Variants in TNNT1 observed in about 807,000 individuals in gnomAD.
TNNT1 encodes the protein troponin T1, slow skeletal type, also known as troponin T, slow skeletal muscle.
TNNT1 carries 53 observed loss-of-function variants against 50.6 expected under a neutral mutation model. That is an observed-to-expected ratio of 1.05 (90% CI 0.84 to 1.32). The LOEUF (loss-of-function observed/expected upper bound fraction) is 1.32. Among genes scored for constraint, TNNT1 ranks in the 40% most tolerant of loss-of-function variants. TNNT1 has a pLI of 0.00. For missense variants in TNNT1, 348 were observed against 381.7 expected (o/e 0.91, Z 0.74); for synonymous variants, 142 against 138.0 (o/e 1.03, Z -0.20).
At chr19:55,139,100 A>C (rs111323155) in intron 9 of TNNT1, among the ~76,000 whole-genome samples, 7 of 152,092 alleles carry the variant, frequency 4.6e-5, no homozygotes, top group African/African-American at 1.2e-4. Flanking sequence ...CCTGGGTTCA[A>C]GTGATTCTCC....
At chr19:55,146,278 G>A (rs886467170) in intron 5 of TNNT1, among the ~76,000 whole-genome samples, 156 bp downstream of exon 5, 1 of 151,798 alleles carries the variant, frequency 6.6e-6, no homozygotes, top group Non-Finnish European at 1.5e-5. Context: ...CCCCGAGAGG[G>A]CGCAGGAGCT....
rs775029804 is a variant in TNNT1 at position 55,149,173 on chromosome 19, T to C, written c.-24A>G. Reference sequence around the variant, plus strand: ...CAGAGCCCCTTACCTAGGCTGTGTCTGAGATGCTGTGAATCTTGAGGCTGA... The same window carrying C: ...CAGAGCCCCTTACCTAGGCTGTGTCCGAGATGCTGTGAATCTTGAGGCTGA... On this transcript the variant is annotated 5_prime_UTR_variant, in exon 1 of 14. Transcript: ENST00000588981. 1 of 456,190 alleles carries C rather than the reference T, an allele frequency of 2.2e-6. No individual in the cohort carries two copies. Among genetic ancestry groups the C allele is most frequent in the South Asian group, 1.5e-5 (1 of 64,566 alleles). 28.3% of individuals were successfully genotyped at this position (456,190 alleles called of 1,614,324 possible).
At chr19:55,135,333 T>C (rs1359413864) in intron 11 of TNNT1, among the ~76,000 whole-genome samples, 2 of 152,160 alleles carry the variant, frequency 1.3e-5, no homozygotes, top group African/African-American at 2.4e-5. Context: ...GTCTGGTCTC[T>C]GATTTTGTAG....
At position 55,141,906 on chromosome 19, in the gene TNNT1, G is replaced by A; in HGVS notation, c.143C>T (p.Pro48Leu). The A allele has an allele frequency of 1.2e-6, 2 of 1,614,074 alleles. No homozygotes were observed. The highest frequency in any genetic ancestry group is 1.7e-6 in the Non-Finnish European group (2 of 1,179,984). ...TGGGATCTTTGGCGGGATCAAAGGAGGCACCACGGGGCGGCTGAGTGGACA... is the reference window on the plus strand; with the variant it reads ...TGGGATCTTTGGCGGGATCAAAGGAAGCACCACGGGGCGGCTGAGTGGACA... ...ERPKPSRPVV[P>L]PLIPPKIPEG... The change falls in exon 7 of 14, where the codon CCT becomes CTT. Residue 48 changes from proline (P) to leucine (L), a missense_variant. Physicochemically the swap from Pro to Leu is moderately conservative, Grantham distance 98 (BLOSUM62 -3). This residue lies in a region of TNNT1 where 90 missense variants were observed against 70.8 expected (regional missense o/e 1.27). Coordinates refer to ENST00000588981, the MANE Select transcript of TNNT1 (RefSeq NM_003283.6).
chr19:55,140,819 T>A, intron 9 of TNNT1, 64 bp downstream of exon 9: 2 of 1,196,126 alleles, frequency 1.7e-6, no homozygotes, highest in Non-Finnish European at 2.4e-6. Flanking sequence ...ATAATAATAA[T>A]AACAAAATGG....
intron 11 of TNNT1, among the ~76,000 whole-genome samples, chr19:55,136,680 C>T (rs941921045): frequency 2.6e-5 from 4 of 152,172 alleles, no homozygotes; most frequent in African/African-American, 9.7e-5. Context: ...ACCAGCCTGC[C>T]GTCCTGTAGC....
chr19:55,132,959 G>C lies in TNNT1; in HGVS notation c.793C>G (p.Arg265Gly). The change falls in exon 14 of 14, where the codon CGG becomes GGG. Residue 265 changes from arginine (R) to glycine (G), a missense_variant and splice_region_variant. Physicochemically the swap from Arg to Gly is moderately radical, Grantham distance 125. Coordinates refer to ENST00000588981, the MANE Select transcript of TNNT1 (RefSeq NM_003283.6). ...ACGCGGCCCTTCCCTGCCCCCTTCCGGCTGTAGAAGAATGAGGTGGTATCA... is the reference window on the plus strand; with the variant it reads ...ACGCGGCCCTTCCCTGCCCCCTTCCCGCTGTAGAAGAATGAGGTGGTATCA... ...YNRISHAQKF[R>G]KGAGKGRVGG... 6.2e-7 allele frequency: 1 copy of C among 1,600,852 alleles called. No homozygotes were observed. The highest frequency in any genetic ancestry group is 8.5e-7 in the Non-Finnish European group (1 of 1,175,028).
At chr19:55,138,213 G>T (rs554028274) in intron 9 of TNNT1, 139 bp from the exon 10 acceptor site, 2 of 1,476,932 alleles carry the variant, frequency 1.4e-6, no homozygotes, top group East Asian at 2.4e-5. Flanking sequence ...CAGCAGAAAC[G>T]CAGGGGTACC....
At chr19:55,135,513 T>A in intron 11 of TNNT1, 1 of 272,240 alleles carries the variant, frequency 3.7e-6, no homozygotes, top group Non-Finnish European at 7.1e-6. Context: ...CTAGTGATCC[T>A]CTCACCTCAG....
intron 6 of TNNT1, chr19:55,145,291 T>C (rs1486022901): frequency 7.3e-6 from 4 of 551,000 alleles, no homozygotes; most frequent in Non-Finnish European, 1.3e-5. Context: ...GTGGAGACTA[T>C]GACCACGATG....
At chr19:55,139,283 A>C (rs1410266623) in intron 9 of TNNT1, among the ~76,000 whole-genome samples, 1 of 152,234 alleles carries the variant, frequency 6.6e-6, no homozygotes, top group African/African-American at 2.4e-5. Context: ...TACAGGCGTC[A>C]GCCATCGCGC....
chr19:55,142,372 C>T (rs1272283130), intron 6 of TNNT1, among the ~76,000 whole-genome samples: 1 of 151,912 alleles, frequency 6.6e-6, no homozygotes, highest in African/African-American at 2.4e-5. Flanking sequence ...CCGCCCGCCT[C>T]GGCCTCCCAA....
intron 12 of TNNT1, 38 bp from the exon 13 acceptor site, chr19:55,133,965 G>T: frequency 1.3e-6 from 2 of 1,482,652 alleles, no homozygotes; most frequent in Middle Eastern, 3.5e-4. Context: ...ACAGCCGGTG[G>T]GGACGTGGGG....
intron 6 of TNNT1, 23 bp downstream of exon 6, chr19:55,145,521 C>T (rs567977319): frequency 1.2e-5 from 19 of 1,612,298 alleles, no homozygotes; most frequent in South Asian, 6.6e-5. Flanking sequence ...ATGACTGGGG[C>T]CCCCCACCCT....
chr19:55,134,078 C>CT lies in TNNT1; in HGVS notation c.737dup (p.Gln247AlafsTer4). ...AGCTGGGTCTCACCTCATATTTCTG[C>CT]TGTTTCAGCTTCGCCATCAGGTCGA... is the stretch of plus-strand genomic sequence containing the variant. On this transcript the variant is annotated frameshift_variant, in exon 12 of 14. Transcript: ENST00000588981. LOFTEE classifies it high-confidence loss of function. 6.2e-7 allele frequency: 1 copy of CT among 1,613,102 alleles called. No homozygotes were observed. The highest frequency in any genetic ancestry group is 8.5e-7 in the Non-Finnish European group (1 of 1,179,890).
chr19:55,135,826 A>G (rs559253568), intron 11 of TNNT1, among the ~76,000 whole-genome samples: 2 of 152,140 alleles, frequency 1.3e-5, no homozygotes, highest in Non-Finnish European at 2.9e-5. Context: ...CGCCCGGCCA[A>G]CAATACTTTA....
chr19:55,146,430 T>C lies in TNNT1; in HGVS notation c.106+4A>G, dbSNP rs2085553067. The C allele has an allele frequency of 7.3e-7, 1 of 1,365,008 alleles. No homozygotes were observed. Among genetic ancestry groups the C allele is most frequent in the Non-Finnish European group, 9.5e-7 (1 of 1,050,200 alleles). 84.6% of individuals were successfully genotyped at this position (1,365,008 alleles called of 1,614,324 possible). On this transcript the variant is annotated splice_donor_region_variant and intron_variant, in intron 5 of 13. Transcript: ENST00000588981. ...GTCTCGGGAAGCGAAGCAGCCGCGG[T>C]TACCTGGCTCTGCCACCGGCTCCGG...
chr19:55,138,778 G>C (rs908865677), intron 9 of TNNT1, among the ~76,000 whole-genome samples: 4 of 152,192 alleles, frequency 2.6e-5, no homozygotes, highest in Non-Finnish European at 4.4e-5. Flanking sequence ...AGGGGGTCAA[G>C]GGAAGTAACT....
In TNNT1 at chr19:55,137,088, C is replaced by G; in HGVS notation, c.611+15G>C. The G allele has an allele frequency of 6.5e-7, 1 of 1,534,766 alleles. No individual in the cohort carries two copies. The highest frequency in any genetic ancestry group is 9.0e-7 in the Non-Finnish European group (1 of 1,110,210). ...CACCCAGGCCCCTACACCCCGAGCC[C>G]CCCACAGCACCTACCGGAGCTGTTC... is the stretch of plus-strand genomic sequence containing the variant. On this transcript the variant is annotated intron_variant, in intron 11 of 13. Transcript: ENST00000588981.
Sources: allele counts gnomAD v4.1 joint callset (sites outside exome capture counted in the v4.1 genomes callset), GRCh38; gene constraint gnomAD v4.1.1; regional missense constraint gnomAD v4.1.1; transcripts MANE v1.5; gene names NCBI Gene and HGNC (gene_info 2026-07-23, HGNC 2026-07-21).